The following VPS13A variants were observed in gnomAD, a reference collection of about 807,000 sequenced individuals.
The protein encoded by VPS13A is vacuolar protein sorting 13 homolog A, also known as intermembrane lipid transfer protein VPS13A.
In VPS13A, 264 loss-of-function variants were observed where a neutral mutation model predicts 390.9. The observed-to-expected ratio is 0.68, with a 90% CI of 0.61 to 0.75. The LOEUF is 0.75. VPS13A is among the 30% of genes least tolerant of loss of function. The pLI is 0.00. For synonymous variants in VPS13A, 1,231 were observed against 1,227.1 expected (o/e 1.00, Z -0.07); for missense variants, 3,409 against 3,733.9 (o/e 0.91, Z 2.27).
rs17063559 is a variant in VPS13A at position 77,350,966 on chromosome 9, C to G, written c.7290-351C>G. ...TGTTTTTGCTCTAGTAAGACCAATACTTAGGAAAGAGTTACCAATTAAATT... is the reference window on the plus strand; with the variant it reads ...TGTTTTTGCTCTAGTAAGACCAATAGTTAGGAAAGAGTTACCAATTAAATT... On this transcript the variant is annotated intron_variant, in intron 52 of 71. Coordinates refer to ENST00000360280, the MANE Select transcript of VPS13A (RefSeq NM_033305.3). 2,305 of 264,996 alleles carry G rather than the reference C, an allele frequency of 8.7e-3. 55 individuals carry two copies. Among genetic ancestry groups the G allele is most frequent in the African/African-American group, 0.048 (2,087 of 43,738 alleles). The allele number at this position is 264,996 out of a possible 1,614,324, so 16.4% of individuals were successfully genotyped here. A position where few individuals can be genotyped will look rare whatever the true frequency, so the allele number is the denominator to read the frequency against.
chr9:77,321,413 G>T (rs952395116), intron 43 of VPS13A, 78 bp from the exon 44 acceptor site: 1 of 1,587,032 alleles, frequency 6.3e-7, no homozygotes, highest in Non-Finnish European at 8.6e-7. Flanking sequence ...TAACTTAGTT[G>T]TCATTTGTCC....
At chr9:77,230,094 A>G (rs1342656861) in intron 17 of VPS13A, among the ~76,000 whole-genome samples, 3 of 151,096 alleles carry the variant, frequency 2.0e-5, no homozygotes, top group Admixed American at 6.6e-5. Context: ...TGTCTATTAG[A>G]TTTTTTTTCC....
At chr9:77,181,999 C>T (rs1023210464) in intron 1 of VPS13A, among the ~76,000 whole-genome samples, 1 of 152,154 alleles carries the variant, frequency 6.6e-6, no homozygotes, top group African/African-American at 2.4e-5. Context: ...ATTTATAATT[C>T]TCCCTTCCCA....
chr9:77,216,058 G>T (rs980015903), intron 10 of VPS13A, among the ~76,000 whole-genome samples: 4 of 152,168 alleles, frequency 2.6e-5, no homozygotes, highest in African/African-American at 9.7e-5. Flanking sequence ...CCGTGTTCTT[G>T]CAGGAGTCTA....
At chr9:77,178,357 C>G (rs1823781659) in intron 1 of VPS13A, among the ~76,000 whole-genome samples, 2 of 152,248 alleles carry the variant, frequency 1.3e-5, no homozygotes, top group African/African-American at 4.8e-5. Context: ...GCTTTCTGCT[C>G]TCCCCCTTCC....
At position 77,339,300 on chromosome 9, in the gene VPS13A, C is replaced by A. The variant is rs545636221; in HGVS notation, c.6379-216C>A. 5.5e-6 allele frequency: 3 copies of A among 545,392 alleles called. No individual in the cohort carries two copies. In the South Asian group the frequency reaches 8.0e-5, roughly 15 times the overall value. 33.8% of individuals were successfully genotyped at this position (545,392 alleles called of 1,614,324 possible). Reference sequence around the variant, plus strand: ...GTCCTTTGAAGTAAGTCATTTAGACCATTTTACAAATACAGTAGCTCAAAT... The same window carrying A: ...GTCCTTTGAAGTAAGTCATTTAGACAATTTTACAAATACAGTAGCTCAAAT... On this transcript the variant is annotated intron_variant, in intron 47 of 71. Transcript: ENST00000360280.
intron 52 of VPS13A, among the ~76,000 whole-genome samples, chr9:77,349,329 G>C (rs955765891): frequency 6.6e-6 from 1 of 151,976 alleles, no homozygotes; most frequent in Admixed American, 6.6e-5. Flanking sequence ...TAGGTTCAGG[G>C]GTTACATGTG....
At chr9:77,302,533 C>T (rs763142546) in intron 33 of VPS13A, among the ~76,000 whole-genome samples, 5 of 149,682 alleles carry the variant, frequency 3.3e-5, no homozygotes, top group Admixed American at 1.3e-4. Flanking sequence ...CCACCACGGC[C>T]AGCTAATTTT....
intron 45 of VPS13A, among the ~76,000 whole-genome samples, chr9:77,323,551 A>G (rs1014055740): frequency 1.3e-5 from 2 of 152,166 alleles, no homozygotes; most frequent in Non-Finnish European, 2.9e-5. Context: ...GATAATTTTT[A>G]GAGAAATAAA....
Position 77,276,321 on chromosome 9 carries a change from T to G in VPS13A, c.2824+100T>G, listed in dbSNP as rs7030802. On this transcript the variant is annotated intron_variant, in intron 26 of 71. Transcript: ENST00000360280. ...TTAGGCTCTGAATCAGTACATTTGC[T>G]GAAATATTCTCAGAGAACCATTCCT... 228,631 of 1,115,318 alleles carry G rather than the reference T, an allele frequency of 0.2. 24,935 individuals carry two copies. The highest frequency in any genetic ancestry group is 0.26 in the African/African-American group (16,460 of 63,314). The allele number at this position is 1,115,318 out of a possible 1,614,324, so 69.1% of individuals were successfully genotyped here.
chr9:77,307,936 T>C lies in VPS13A; in HGVS notation c.3961-9T>C, dbSNP rs755425018. On this transcript the variant is annotated splice_polypyrimidine_tract_variant and intron_variant, in intron 34 of 71. Transcript: ENST00000360280. ...GTGCTAAAAAGAACAAATCTTTTTT[T>C]TTTAACAGTTCATTCTTAGTCAAGA... 19 of 1,577,316 alleles carry C rather than the reference T, an allele frequency of 1.2e-5. No individual in the cohort carries two copies. The highest frequency in any genetic ancestry group is 1.7e-5 in the Non-Finnish European group (19 of 1,147,724).
chr9:77,384,775 G>A, intron 68 of VPS13A: 1 of 1,514,180 alleles, frequency 6.6e-7, no homozygotes, highest in Non-Finnish European at 8.8e-7. Context: ...TTATAGGGAG[G>A]TAAAACACAT....
chr9:77,327,264 A>G (rs1034629654), intron 45 of VPS13A, among the ~76,000 whole-genome samples: 2 of 152,172 alleles, frequency 1.3e-5, no homozygotes, highest in African/African-American at 4.8e-5. Context: ...CTGAAAACAG[A>G]TATCCCTTCT....
chr9:77,292,336 G>A (rs1427787137), intron 31 of VPS13A, among the ~76,000 whole-genome samples: 1 of 152,104 alleles, frequency 6.6e-6, no homozygotes, highest in Non-Finnish European at 1.5e-5. Flanking sequence ...TCTACCACAA[G>A]TGAGCTGGTG....
At position 77,225,950 on chromosome 9, in the gene VPS13A, T is replaced by C; in HGVS notation, c.1186T>C (p.Phe396Leu). 1 of 1,612,236 alleles carries C rather than the reference T, an allele frequency of 6.2e-7. No homozygotes were observed. The highest frequency in any genetic ancestry group is 8.5e-7 in the Non-Finnish European group (1 of 1,179,150). Residue 396 changes from phenylalanine (F) to leucine (L), a missense_variant, in exon 14 of 72, where the codon TTT becomes CTT. By Grantham distance (22) the Phe-to-Leu change is conservative. Coordinates refer to ENST00000360280, the MANE Select transcript of VPS13A (RefSeq NM_033305.3). ...LEELEKTLDV[F>L]NITIARQTAE... ...GGAGTTGGAAAAAACCTTGGATGTC[T>C]TTAATATAACTATAGCTAGACAGAC...
chr9:77,364,819 C>T (rs1387689777), intron 59 of VPS13A, among the ~76,000 whole-genome samples: 1 of 152,106 alleles, frequency 6.6e-6, no homozygotes, highest in Non-Finnish European at 1.5e-5. Flanking sequence ...ATCAGTTTAG[C>T]TGGGGTGCTG....
rs190185529 is a variant in VPS13A at position 77,362,712 on chromosome 9, C to T, written c.8211+2071C>T. 4.6e-5 allele frequency among the ~76,000 whole-genome samples: 7 copies of T among 152,210 alleles called. No homozygotes were observed. In the East Asian group the frequency reaches 1.4e-3, roughly 29 times the overall value. ...CTGTAAATCAATTTGGGAAGTATTG[C>T]CATCCTAACAGTATTAGGTCTTTCA... On this transcript the variant is annotated intron_variant, in intron 59 of 71. Transcript: ENST00000360280.
At chr9:77,411,921 G>T (rs768848725) in intron 71 of VPS13A, among the ~76,000 whole-genome samples, 2 of 151,988 alleles carry the variant, frequency 1.3e-5, no homozygotes, top group African/African-American at 2.4e-5. Flanking sequence ...TACCACCACC[G>T]ATCCCACAGA....
intron 54 of VPS13A, among the ~76,000 whole-genome samples, chr9:77,354,735 C>T (rs779286045): frequency 6.6e-6 from 1 of 152,122 alleles, no homozygotes; most frequent in Non-Finnish European, 1.5e-5. Flanking sequence ...TGTCAGCTTA[C>T]TACCTTGCAT....
Sources: allele counts gnomAD v4.1 joint callset (sites outside exome capture counted in the v4.1 genomes callset), GRCh38; gene constraint gnomAD v4.1.1; transcripts MANE v1.5; gene names NCBI Gene and HGNC (gene_info 2026-07-23, HGNC 2026-07-21).